Variants in DEPTOR observed in about 807,000 individuals in gnomAD.
DEPTOR encodes the protein DEP domain-containing mTOR-interacting protein.
Under a neutral mutation model 41.6 loss-of-function variants are expected in DEPTOR, and 41 were observed. The observed-to-expected ratio is 0.98, with a 90% CI of 0.77 to 1.28. The LOEUF is 1.28. DEPTOR is among the 50% of genes most tolerant of loss of function. The probability of loss-of-function intolerance (pLI) is 0.00; values close to 1 mark genes in which losing one functional copy is unlikely to be tolerated. For missense variants in DEPTOR, 514 were observed against 527.9 expected (o/e 0.97, Z 0.26); for synonymous variants, 195 against 192.3 (o/e 1.01, Z -0.12).
At chr8:119,935,720 CAA>C (rs1263437669) in intron 3 of DEPTOR, among the ~76,000 whole-genome samples, 12 of 111,692 alleles carry the variant, frequency 1.1e-4, no homozygotes, top group Admixed American at 9.6e-5. Context: ...GACTCCATCT[CAA>C]AAAAAAAAAA....
chr8:120,007,368 A>T (rs1445334741), intron 7 of DEPTOR, among the ~76,000 whole-genome samples: 1 of 152,052 alleles, frequency 6.6e-6, no homozygotes, highest in Non-Finnish European at 1.5e-5. Flanking sequence ...TGTGGGATAA[A>T]CTTTTCTACC....
At chr8:119,944,657 CT>C (rs11428615) in intron 3 of DEPTOR, among the ~76,000 whole-genome samples, 1,992 of 136,904 alleles carry the variant, frequency 0.015, 45 homozygotes, top group African/African-American at 0.047. Flanking sequence ...TCTTTCTTTT[CT>C]TTTTTTTTTT....
chr8:119,912,411 T>C (rs1223255323), intron 1 of DEPTOR, among the ~76,000 whole-genome samples: 1 of 152,214 alleles, frequency 6.6e-6, no homozygotes, highest in African/African-American at 2.4e-5. Context: ...TGAACAGTTG[T>C]TTAAGCTATG....
At chr8:119,933,453 G>GACACACACACACACACAC (rs35420959) in intron 3 of DEPTOR, among the ~76,000 whole-genome samples, 3 of 124,480 alleles carry the variant, frequency 2.4e-5, no homozygotes, top group Non-Finnish European at 5.0e-5. Flanking sequence ...GACAGAGCAA[G>GACACACACACACACACAC]ACACACACAC....
Position 120,003,026 on chromosome 8 carries a change from C to CT in DEPTOR, c.840_841insT (p.Met281TyrfsTer37), listed in dbSNP as rs1385458624. 11 of 1,606,958 alleles carry CT rather than the reference C, an allele frequency of 6.8e-6. No homozygotes were observed. The South Asian group carries it at 1.2e-4, about 18-fold the overall frequency. On this transcript the variant is annotated frameshift_variant, in exon 6 of 9. Coordinates refer to ENST00000286234, the MANE Select transcript of DEPTOR (RefSeq NM_022783.4). LOFTEE classifies it high-confidence loss of function. ...TCGTGTCTGCAGTGAGGAGAAGCAG[C>CT]ATGAGCAGCTGTGGCAGCAGCGGCT... is the stretch of plus-strand genomic sequence containing the variant.
chr8:120,035,817 C>G (rs545984301), intron 8 of DEPTOR, among the ~76,000 whole-genome samples: 30 of 152,218 alleles, frequency 2.0e-4, no homozygotes, highest in Non-Finnish European at 4.3e-4. Context: ...CAGGCATGAG[C>G]CACTGGGCCT....
At chr8:119,984,444 G>C (rs1322054942) in intron 4 of DEPTOR, among the ~76,000 whole-genome samples, 1 of 151,978 alleles carries the variant, frequency 6.6e-6, no homozygotes, top group Non-Finnish European at 1.5e-5. Flanking sequence ...ACAGGCCCCA[G>C]TGTGTGATGT....
chr8:119,888,583 C>A (rs573171066), intron 1 of DEPTOR, among the ~76,000 whole-genome samples: 1 of 152,142 alleles, frequency 6.6e-6, no homozygotes, highest in Non-Finnish European at 1.5e-5. Flanking sequence ...AAGGCTGGCA[C>A]GGTGGCTCAC....
At chr8:120,030,072 C>T (rs1365958527) in intron 8 of DEPTOR, among the ~76,000 whole-genome samples, 1 of 152,078 alleles carries the variant, frequency 6.6e-6, no homozygotes, top group Non-Finnish European at 1.5e-5. Flanking sequence ...TTTTTAGAGC[C>T]AGAGTAATCA....
intron 8 of DEPTOR, among the ~76,000 whole-genome samples, chr8:120,012,009 C>A (rs1052716695): frequency 6.6e-6 from 1 of 152,088 alleles, no homozygotes; most frequent in African/African-American, 2.4e-5. Flanking sequence ...ATACTTTATC[C>A]CCCTCTTAGA....
At chr8:119,927,265 C>T (rs1179153662) in intron 1 of DEPTOR, among the ~76,000 whole-genome samples, 2 of 152,092 alleles carry the variant, frequency 1.3e-5, no homozygotes, top group Non-Finnish European at 2.9e-5. Context: ...GAGCCACAAG[C>T]TAGCATTCAG....
chr8:120,015,458 T>A (rs1341249990), intron 8 of DEPTOR, among the ~76,000 whole-genome samples: 1 of 152,178 alleles, frequency 6.6e-6, no homozygotes, highest in Non-Finnish European at 1.5e-5. Context: ...AAGTCCAAGA[T>A]GAAGGTGCTG....
Position 120,001,535 on chromosome 8 carries a change from G to A in DEPTOR, c.615G>A (p.Lys205=). ...TTTTTTTCTCCCCAGTGTCCAACAAGCACCCATTTGTGGACAGCAATCTTC... is the reference window on the plus strand; with the variant it reads ...TTTTTTTCTCCCCAGTGTCCAACAAACACCCATTTGTGGACAGCAATCTTC... ...EHGIIQHVSN[K]HPFVDSNLLY... The change falls in exon 5 of 9, where the codon AAG becomes AAA. Residue 205 remains lysine, a synonymous_variant. Coordinates refer to ENST00000286234, the MANE Select transcript of DEPTOR (RefSeq NM_022783.4). 5 of 1,607,996 alleles carry A rather than the reference G, an allele frequency of 3.1e-6. No individual in the cohort carries two copies. Among genetic ancestry groups the A allele is most frequent in the Non-Finnish European group, 4.2e-6 (5 of 1,176,926 alleles).
chr8:119,913,310 G>A (rs1827768333), intron 1 of DEPTOR, among the ~76,000 whole-genome samples: 1 of 152,156 alleles, frequency 6.6e-6, no homozygotes, highest in Non-Finnish European at 1.5e-5. Context: ...GAGTGGTCTG[G>A]AAAACAAAAG....
chr8:119,888,324 T>C (rs1015042905), intron 1 of DEPTOR, among the ~76,000 whole-genome samples: 10 of 152,172 alleles, frequency 6.6e-5, no homozygotes, highest in African/African-American at 2.4e-4. Flanking sequence ...TATGATACTA[T>C]ACTATTAGAA....
intron 1 of DEPTOR, among the ~76,000 whole-genome samples, chr8:119,890,045 A>G: frequency 6.6e-6 from 1 of 152,016 alleles, no homozygotes; most frequent in Non-Finnish European, 1.5e-5. Flanking sequence ...GCTCACTGGA[A>G]CATCTGCCTC....
intron 6 of DEPTOR, among the ~76,000 whole-genome samples, chr8:120,003,358 C>T (rs1486777754): frequency 2.0e-5 from 3 of 152,120 alleles, no homozygotes; most frequent in Non-Finnish European, 4.4e-5. Flanking sequence ...GATGGCCCTT[C>T]CAAGTTGCCT....
intron 8 of DEPTOR, among the ~76,000 whole-genome samples, chr8:120,020,719 A>G (rs1009287893): frequency 8.5e-5 from 13 of 152,130 alleles, no homozygotes; most frequent in Non-Finnish European, 1.6e-4. Context: ...TTTATAGGAC[A>G]AAAAATAATT....
In DEPTOR at chr8:120,006,565, C is replaced by T. The variant is rs552974930; in HGVS notation, c.926-240C>T. ...ATTGACCTGCCCCCTTATCCCCACCCCTGGCACTCTTGCTTTCCTTCTCTT... is the reference window on the plus strand; with the variant it reads ...ATTGACCTGCCCCCTTATCCCCACCTCTGGCACTCTTGCTTTCCTTCTCTT... On this transcript the variant is annotated intron_variant, in intron 6 of 8. Transcript: ENST00000286234. Among the ~76,000 whole-genome samples the T allele has an allele frequency of 3.3e-5, 5 of 151,962 alleles. No individual in the cohort carries two copies. The South Asian group carries it at 6.2e-4, about 19-fold the overall frequency.
Sources: allele counts gnomAD v4.1 joint callset (sites outside exome capture counted in the v4.1 genomes callset), GRCh38; gene constraint gnomAD v4.1.1; transcripts MANE v1.5; gene names NCBI Gene and HGNC (gene_info 2026-07-23, HGNC 2026-07-21).